Variants in CAST observed in about 807,000 individuals in gnomAD.
The protein encoded by CAST is MIR583 host.
Under a neutral mutation model 119.6 loss-of-function variants are expected in CAST, and 76 were observed. That is an observed-to-expected ratio of 0.64 (90% CI 0.53 to 0.77). The LOEUF (loss-of-function observed/expected upper bound fraction) is 0.77, where lower values mean the gene tolerates loss of function less well. Ranked by LOEUF, CAST falls within the 30% of genes least tolerant of loss-of-function variation. The pLI is 0.00. For synonymous variants in CAST, 319 were observed against 331.6 expected, an observed-to-expected ratio of 0.96 and a Z score of 0.41; for missense variants, 953 against 946.5, an observed-to-expected ratio of 1.01 and a Z score of -0.09.
the CAST span, among the ~76,000 whole-genome samples, chr5:96,266,613 C>T: frequency 2.6e-5 from 4 of 151,734 alleles, no homozygotes; most frequent in South Asian, 2.1e-4. Context: ...CTATCTAGTG[C>T]GGAAAAGGAG....
intron 1 of CAST, among the ~76,000 whole-genome samples, chr5:96,644,117 C>T (rs1163033139): frequency 6.6e-6 from 1 of 152,024 alleles, no homozygotes; most frequent in African/African-American, 2.4e-5. Context: ...ACTGATCATT[C>T]ACATCTCTGT....
chr5:96,388,197 C>T, the CAST span, among the ~76,000 whole-genome samples: 178 of 152,254 alleles, frequency 1.2e-3, no homozygotes, highest in Admixed American at 3.9e-3. Flanking sequence ...GAATGATGGG[C>T]GCATAATGAC....
chr5:96,189,357 G>C, the CAST span, among the ~76,000 whole-genome samples: 1 of 152,056 alleles, frequency 6.6e-6, no homozygotes, highest in African/African-American at 2.4e-5. Context: ...TTGCTATTTG[G>C]CTGGGGATAT....
At chr5:96,223,041 T>C in the CAST span, among the ~76,000 whole-genome samples, 4 of 152,108 alleles carry the variant, frequency 2.6e-5, no homozygotes, top group African/African-American at 9.7e-5. Context: ...CTCACTCATA[T>C]CACTCATATG....
At chr5:96,184,033 G>A in the CAST span, among the ~76,000 whole-genome samples, 3 of 152,134 alleles carry the variant, frequency 2.0e-5, no homozygotes, top group African/African-American at 7.2e-5. Flanking sequence ...AGGTAAGTGA[G>A]GCATTTAGAA....
At chr5:96,689,795 G>C (rs904849757) in intron 2 of CAST, among the ~76,000 whole-genome samples, 5 of 152,158 alleles carry the variant, frequency 3.3e-5, no homozygotes, top group African/African-American at 1.2e-4. Context: ...TATAGATGGA[G>C]GCCAACTCCA....
At chr5:96,305,588 G>T in the CAST span, among the ~76,000 whole-genome samples, 6 of 152,226 alleles carry the variant, frequency 3.9e-5, no homozygotes, top group South Asian at 6.2e-4. Flanking sequence ...TTGGCTCTGG[G>T]TTTGTTGTAA....
At chr5:96,583,355 A>T (rs2150189746) in intron 1 of CAST, among the ~76,000 whole-genome samples, 1 of 152,242 alleles carries the variant, frequency 6.6e-6, no homozygotes, top group African/African-American at 2.4e-5. Flanking sequence ...TCTTCTCAAA[A>T]CACTCAGTTC....
intron 1 of CAST, among the ~76,000 whole-genome samples, chr5:96,674,952 A>C (rs1196637666): frequency 6.6e-6 from 1 of 152,250 alleles, no homozygotes; most frequent in East Asian, 1.9e-4. Context: ...TGTTAATTAA[A>C]AATAAAATAA....
intron 1 of CAST, among the ~76,000 whole-genome samples, chr5:96,586,606 A>C (rs962959640): frequency 6.6e-6 from 1 of 152,056 alleles, no homozygotes; most frequent in African/African-American, 2.4e-5. Context: ...CATCAGAATA[A>C]GTTGGAAATC....
At chr5:96,381,957 G>A in the CAST span, among the ~76,000 whole-genome samples, 1 of 152,176 alleles carries the variant, frequency 6.6e-6, no homozygotes, top group Non-Finnish European at 1.5e-5. Context: ...TGCTTCAACT[G>A]ATGGCATATA....
chr5:96,319,282 A>G, the CAST span, among the ~76,000 whole-genome samples: 1 of 152,204 alleles, frequency 6.6e-6, no homozygotes, highest in African/African-American at 2.4e-5. Context: ...ACCTCCCACC[A>G]AGCTCCATCT....
At chr5:96,530,993 A>G (rs186757695) in intron 1 of CAST, among the ~76,000 whole-genome samples, 3 of 152,192 alleles carry the variant, frequency 2.0e-5, no homozygotes, top group African/African-American at 2.4e-5. Context: ...GGGCTTTGCC[A>G]TGTTGCCCAG....
chr5:96,717,193 A>G (rs982388927), intron 3 of CAST, among the ~76,000 whole-genome samples: 1 of 152,226 alleles, frequency 6.6e-6, no homozygotes, highest in Non-Finnish European at 1.5e-5. Flanking sequence ...CATCGATAAG[A>G]CATAATGTAC....
chr5:96,313,097 T>C, the CAST span, among the ~76,000 whole-genome samples: 1 of 152,140 alleles, frequency 6.6e-6, no homozygotes, highest in Admixed American at 6.5e-5. Context: ...AAGCCTTCAG[T>C]AGTGAAAATG....
At chr5:96,264,631 C>A in the CAST span, among the ~76,000 whole-genome samples, 1 of 152,128 alleles carries the variant, frequency 6.6e-6, no homozygotes, top group Non-Finnish European at 1.5e-5. Flanking sequence ...TGTGGTGGGA[C>A]CCTCTCATGG....
At chr5:96,661,823 G>A (rs898121271), upstream of CAST, among the ~76,000 whole-genome samples, 1 of 151,902 alleles carries the variant, frequency 6.6e-6, no homozygotes, top group Non-Finnish European at 1.5e-5. Flanking sequence ...AAAAAACAAA[G>A]TAAAATCATA....
intron 1 of CAST, among the ~76,000 whole-genome samples, chr5:96,626,617 G>C (rs1235772744): frequency 2.0e-5 from 3 of 152,170 alleles, no homozygotes; most frequent in Non-Finnish European, 2.9e-5. Flanking sequence ...TCAGAGCCCA[G>C]ATCCAACATC....
chr5:96,215,162 G>A, the CAST span: 1 of 152,084 alleles, frequency 6.6e-6, no homozygotes, highest in South Asian at 2.1e-4. Context: ...TTAAATCCCT[G>A]CTCACAATGA....
Sources: allele counts gnomAD v4.1 joint callset (sites outside exome capture counted in the v4.1 genomes callset), GRCh38; gene constraint gnomAD v4.1.1; transcripts MANE v1.5; gene names NCBI Gene and HGNC (gene_info 2026-07-23, HGNC 2026-07-21).